Variants in C12orf56 observed in about 807,000 individuals in gnomAD.
The protein encoded by C12orf56 is chromosome 12 open reading frame 56.
A neutral mutation model predicts 69.9 loss-of-function variants in C12orf56; 71 were observed. The observed-to-expected ratio is 1.02, with a 90% CI of 0.84 to 1.24. The LOEUF (loss-of-function observed/expected upper bound fraction) is 1.24, where lower values mean the gene tolerates loss of function less well. Among genes scored for constraint, C12orf56 ranks in the 50% most tolerant of loss-of-function variants. The pLI, the probability that C12orf56 is intolerant of heterozygous loss-of-function variation, is 0.00. For synonymous variants in C12orf56, 276 were observed against 274.1 expected (o/e 1.01, Z -0.07); for missense variants, 732 against 738.5 (o/e 0.99, Z 0.10).
At chr12:64,315,574 A>AG (rs1392647153) in intron 4 of C12orf56, among the ~76,000 whole-genome samples, 2 of 152,162 alleles carry the variant, frequency 1.3e-5, no homozygotes, top group Non-Finnish European at 2.9e-5. Flanking sequence ...AATCAGGATG[A>AG]GTGCTGATAA....
chr12:64,302,526 A>G (rs2038460144), intron 6 of C12orf56, among the ~76,000 whole-genome samples: 1 of 152,212 alleles, frequency 6.6e-6, no homozygotes, highest in Non-Finnish European at 1.5e-5. Context: ...ACAATTGCTC[A>G]GTAAAATGAT....
chr12:64,268,832 T>C (rs887972303), intron 12 of C12orf56, among the ~76,000 whole-genome samples: 22 of 152,008 alleles, frequency 1.4e-4, no homozygotes. Flanking sequence ...ATGGAACACC[T>C]CATGGAAGAC....
chr12:64,321,069 G>A (rs1356000284), intron 3 of C12orf56, among the ~76,000 whole-genome samples: 1 of 152,038 alleles, frequency 6.6e-6, no homozygotes, highest in East Asian at 1.9e-4. Flanking sequence ...TGCTTATTTT[G>A]TCTTTTGACA....
intron 12 of C12orf56, among the ~76,000 whole-genome samples, chr12:64,269,158 A>G (rs1320653981): frequency 1.3e-5 from 2 of 148,584 alleles, no homozygotes; most frequent in South Asian, 2.2e-4. Flanking sequence ...AAAAGTCTAT[A>G]AATTGGACTG....
intron 3 of C12orf56, among the ~76,000 whole-genome samples, chr12:64,319,210 T>A (rs558849702): frequency 1.2e-4 from 19 of 152,302 alleles, no homozygotes; most frequent in Admixed American, 2.0e-4. Context: ...ATTTCGGAAA[T>A]ACATTTTATT....
chr12:64,332,364 A>G (rs969726279), intron 2 of C12orf56, among the ~76,000 whole-genome samples: 5 of 150,880 alleles, frequency 3.3e-5, no homozygotes, highest in Non-Finnish European at 5.9e-5. Context: ...CCAAAGTCTT[A>G]GGAGAGACCC....
chr12:64,367,302 A>ATTATATATAATATATAGT (rs2039509110), intron 1 of C12orf56, among the ~76,000 whole-genome samples: 3 of 141,894 alleles, frequency 2.1e-5, no homozygotes, highest in African/African-American at 7.9e-5. Flanking sequence ...CAGTTTATAT[A>ATTATATATAATATATAGT]TTATATATAA....
chr12:64,308,946 AGAAAG>A (rs1565749000), intron 5 of C12orf56, among the ~76,000 whole-genome samples: 7 of 79,806 alleles, frequency 8.8e-5, no homozygotes, highest in African/African-American at 2.4e-4. Context: ...GAAAGAAGAA[AGAAAG>A]AAAGAAAGAA....
chr12:64,328,692 AAAAAAAAAAAAAAAATATATATATATAT>A lies in C12orf56; in HGVS notation c.488+2240_488+2267del, dbSNP rs1483996266. Among the ~76,000 whole-genome samples, 118 of 19,580 alleles carry A rather than the reference AAAAAAAAAAAAAAAATATATATATATAT, an allele frequency of 6.0e-3. 4 individuals are homozygous for A. Among genetic ancestry groups the A allele is most frequent in the African/African-American group, 4.0e-3 (23 of 5,816 alleles). 12.8% of individuals were successfully genotyped at this position (19,580 alleles called of 152,430 possible). Reference sequence around the variant, plus strand: ...AAGACTCCATCTCAAAAAAAAAAAAAAAAAAAAAAAAAAAATATATATATATATATATATATATATATATAGTATCACA... The same window carrying A: ...AAGACTCCATCTCAAAAAAAAAAAAAATATATATATATATATAGTATCACA... On this transcript the variant is annotated intron_variant, in intron 3 of 12. Transcript: ENST00000543942.
intron 2 of C12orf56, among the ~76,000 whole-genome samples, chr12:64,335,135 G>A (rs187982324): frequency 6.6e-6 from 1 of 152,242 alleles, no homozygotes; most frequent in East Asian, 1.9e-4. Flanking sequence ...AGAGTTTTGT[G>A]GCCAGGCATG....
intron 12 of C12orf56, among the ~76,000 whole-genome samples, chr12:64,267,881 T>G (rs1818892913): frequency 2.0e-5 from 3 of 152,180 alleles, no homozygotes; most frequent in Non-Finnish European, 4.4e-5. Flanking sequence ...ATCAGTATTT[T>G]TTTAATAGGT....
At chr12:64,318,551 A>G in intron 4 of C12orf56, 24 bp downstream of exon 4, 1 of 1,478,328 alleles carries the variant, frequency 6.8e-7, no homozygotes. Flanking sequence ...ATTCAGGTTA[A>G]GGTTAACTTA....
chr12:64,315,543 C>T lies in C12orf56; in HGVS notation c.895-2791G>A, dbSNP rs78168894. On this transcript the variant is annotated intron_variant, in intron 4 of 12. Transcript: ENST00000543942. ...ATAAAATGGATTACTGAAGGAGGCT[C>T]AACTCTTTGGAAACTCTTAAAATCA... Among the ~76,000 whole-genome samples the T allele has an allele frequency of 1.3e-3, 193 of 152,272 alleles. 1 individual carries two copies. Among genetic ancestry groups the T allele is most frequent in the African/African-American group, 4.3e-3 (178 of 41,564 alleles).
intron 5 of C12orf56, among the ~76,000 whole-genome samples, chr12:64,306,481 T>C (rs1235428607): frequency 1.3e-5 from 2 of 151,724 alleles, no homozygotes; most frequent in East Asian, 1.9e-4. Context: ...CAAGCGATTC[T>C]TGTGCCTCCT....
rs75066287 is a variant in C12orf56, at chr12:64,361,225, G to C, written c.253-8169C>G. On this transcript the variant is annotated intron_variant, in intron 1 of 12. Coordinates refer to ENST00000543942, the MANE Select transcript of C12orf56 (RefSeq NM_001170633.2). The stretch of plus-strand genomic sequence containing the variant: ...AAAGTGAGACTCCATCTCAGAAAAA[G>C]AAAATAAAAAAACAATTATTATTGA... Among the ~76,000 whole-genome samples the C allele has an allele frequency of 1.8e-3, 271 of 152,008 alleles. 6 individuals are homozygous for C. The East Asian group carries it at 0.043, about 24-fold the overall frequency.
chr12:64,342,445 T>G (rs1202444326), intron 2 of C12orf56, among the ~76,000 whole-genome samples: 1 of 152,180 alleles, frequency 6.6e-6, no homozygotes, highest in Admixed American at 6.5e-5. Flanking sequence ...GGCCCTAGTC[T>G]TCTCTTCCTC....
intron 1 of C12orf56, among the ~76,000 whole-genome samples, chr12:64,371,231 C>T (rs1369688475): frequency 6.7e-6 from 1 of 148,870 alleles, no homozygotes; most frequent in African/African-American, 2.5e-5. Context: ...GCAAAACTGT[C>T]TCTACCAAAA....
intron 1 of C12orf56, among the ~76,000 whole-genome samples, chr12:64,372,624 C>G (rs1186768740): frequency 6.6e-6 from 1 of 152,204 alleles, no homozygotes; most frequent in Non-Finnish European, 1.5e-5. Flanking sequence ...AGCGATTCTC[C>G]TCCCTCAGCT....
intron 2 of C12orf56, among the ~76,000 whole-genome samples, chr12:64,341,686 T>C (rs2039076511): frequency 6.6e-6 from 1 of 152,076 alleles, no homozygotes; most frequent in Admixed American, 6.5e-5. Context: ...CAAACCCATA[T>C]CCGGAGTAAG....
Sources: gnomAD v4.1 joint callset for allele counts (sites outside exome capture counted in the v4.1 genomes callset) on GRCh38, gnomAD v4.1.1 for gene constraint, MANE v1.5 for transcripts, NCBI Gene and HGNC (gene_info 2026-07-23, HGNC 2026-07-21) for gene names.